Variants in GALNT8 observed in about 807,000 individuals in gnomAD.
GALNT8 encodes the protein probable polypeptide N-acetylgalactosaminyltransferase 8.
In GALNT8, 66 loss-of-function variants were observed where a neutral mutation model predicts 62.7. The observed-to-expected ratio is 1.05, with a 90% CI of 0.86 to 1.29. GALNT8 has a LOEUF of 1.29. GALNT8 is among the 50% of genes most tolerant of loss of function. The pLI, the probability that GALNT8 is intolerant of heterozygous loss-of-function variation, is 0.00. For synonymous variants in GALNT8, 288 were observed against 294.3 expected, an observed-to-expected ratio of 0.98 and a Z score of 0.22; for missense variants, 771 against 791.8, an observed-to-expected ratio of 0.97 and a Z score of 0.32.
At chr12:4,744,482 C>T (rs1946286807) in intron 3 of GALNT8, 35 bp from the exon 4 acceptor site, 1 of 1,468,172 alleles carries the variant, frequency 6.8e-7, no homozygotes, top group Non-Finnish European at 9.3e-7. Flanking sequence ...GATTGTTGCA[C>T]TCAGAATTTC....
chr12:4,755,629 T>C (rs1253664909), intron 6 of GALNT8, among the ~76,000 whole-genome samples: 1 of 152,208 alleles, frequency 6.6e-6, no homozygotes, highest in African/African-American at 2.4e-5. Context: ...TTTGTATCCT[T>C]GTCAGGGGGA....
intron 6 of GALNT8, among the ~76,000 whole-genome samples, chr12:4,758,827 C>T (rs539947209): frequency 1.3e-5 from 2 of 150,772 alleles, no homozygotes; most frequent in Non-Finnish European, 3.0e-5. Context: ...CCCAGGCTGG[C>T]GTGCAGTGGC....
chr12:4,725,473 C>T (rs960732952), intron 1 of GALNT8, among the ~76,000 whole-genome samples: 3 of 152,012 alleles, frequency 2.0e-5, no homozygotes, highest in African/African-American at 7.3e-5. Context: ...TATAGATTCT[C>T]AGGCTCTACC....
chr12:4,768,892 A>G (rs1257649724), intron 10 of GALNT8, among the ~76,000 whole-genome samples: 1 of 152,124 alleles, frequency 6.6e-6, no homozygotes, highest in East Asian at 1.9e-4. Context: ...TACCAAAGAA[A>G]TTTTCCAAAA....
chr12:4,738,212 G>A (rs776850176), intron 2 of GALNT8, among the ~76,000 whole-genome samples: 20 of 152,104 alleles, frequency 1.3e-4, no homozygotes, highest in Non-Finnish European at 2.6e-4. Context: ...TGAGACAAGT[G>A]GATATCTAGA....
chr12:4,737,396 C>T (rs74739226), intron 2 of GALNT8, among the ~76,000 whole-genome samples: 6,179 of 152,252 alleles, frequency 0.041, 243 homozygotes, highest in East Asian at 0.2. Flanking sequence ...AGAGCTTCTA[C>T]ACCTGTGTAC....
At chr12:4,755,348 G>T (rs1354523196) in intron 6 of GALNT8, among the ~76,000 whole-genome samples, 2 of 152,170 alleles carry the variant, frequency 1.3e-5, no homozygotes, top group African/African-American at 4.8e-5. Flanking sequence ...GCTGAGTTTG[G>T]TTCAGTTTTC....
intron 2 of GALNT8, among the ~76,000 whole-genome samples, chr12:4,735,027 G>A (rs1946238386): frequency 1.3e-5 from 2 of 152,330 alleles, no homozygotes; most frequent in South Asian, 4.1e-4. Context: ...CAGAGCAGGG[G>A]CTATCTGCTG....
chr12:4,771,384 G>T (rs1946423559), intron 10 of GALNT8, among the ~76,000 whole-genome samples: 1 of 152,180 alleles, frequency 6.6e-6, no homozygotes, highest in Admixed American at 6.5e-5. Flanking sequence ...AGGAGGAAAG[G>T]GTGGTTGGGG....
chr12:4,731,885 C>T (rs968561247), intron 2 of GALNT8, among the ~76,000 whole-genome samples: 1 of 152,086 alleles, frequency 6.6e-6, no homozygotes, highest in Admixed American at 6.6e-5. Flanking sequence ...CTGCTGTGAA[C>T]AGGACCACCT....
At chr12:4,769,683 G>C (rs1361204799) in intron 10 of GALNT8, among the ~76,000 whole-genome samples, 1 of 151,586 alleles carries the variant, frequency 6.6e-6, no homozygotes, top group Non-Finnish European at 1.5e-5. Context: ...CTTGTTATGA[G>C]TGCTTTTATA....
At position 4,757,508 on chromosome 12, in the gene GALNT8, CT is replaced by C. The variant is rs370535762; in HGVS notation, c.1174-3446del. ...AGCTCTAGGGTGATAGGGGCCAAGA[CT>C]TTTATTTGGTGGTCCTGCCACACTC... On this transcript the variant is annotated intron_variant, in intron 6 of 10. Coordinates refer to ENST00000252318, the MANE Select transcript of GALNT8 (RefSeq NM_017417.2). Among the ~76,000 whole-genome samples the C allele has an allele frequency of 2.3e-3, 349 of 152,244 alleles. 2 individuals carry two copies. Among genetic ancestry groups the C allele is most frequent in the African/African-American group, 7.7e-3 (320 of 41,538 alleles).
intron 3 of GALNT8, 44 bp downstream of exon 3, chr12:4,739,373 T>C (rs1298773396): frequency 2.0e-6 from 3 of 1,520,444 alleles, no homozygotes; most frequent in African/African-American, 1.4e-5. Flanking sequence ...TGACCACTTA[T>C]CATCTGTGCT....
chr12:4,763,336 GA>G lies in GALNT8; in HGVS notation c.1448del (p.Asn483MetfsTer6), dbSNP rs760565958. On this transcript the variant is annotated frameshift_variant, in exon 8 of 11. Coordinates refer to ENST00000252318, the MANE Select transcript of GALNT8 (RefSeq NM_017417.2). LOFTEE classifies it high-confidence loss of function. ...LKCKTFDWYLKNVYPLLKPLH... is the reference protein window; with the variant it reads ...LKCKTFDWYLXNVYPLLKPLH... ...AATGTAAAACTTTTGACTGGTACCT[GA>G]AAAATGTTTATCCACTCTTGAAGCC... 1.2e-6 allele frequency: 2 copies of G among 1,612,740 alleles called. No individual in the cohort carries two copies. The highest frequency in any genetic ancestry group is 4.5e-5 in the East Asian group (2 of 44,880).
intron 3 of GALNT8, among the ~76,000 whole-genome samples, chr12:4,742,218 G>T (rs1237497057): frequency 6.6e-6 from 1 of 152,152 alleles, no homozygotes; most frequent in African/African-American, 2.4e-5. Context: ...GTTATTTGTA[G>T]TACTTTTGAA....
rs772729270 is a variant in GALNT8, at chr12:4,726,571, T to G, written c.251T>G (p.Val84Gly). The change falls in exon 2 of 11, where the codon GTG (valine) becomes GGG (glycine). Residue 84 changes from valine to glycine, a missense_variant. Val to Gly is a moderately radical substitution (Grantham distance 109, BLOSUM62 -3). Transcript: ENST00000252318. This position sits in a 1 kb window ranked among gnomAD's most constrained non-coding sequence, Gnocchi z 4.1. The part of the protein sequence containing the change: ...MKLALRQQEN[V>G]NSTLKRAKDE... ...TTAGCTCTGAGGCAACAAGAAAATG[T>G]GAACAGCACACTGAAGAGGGCGAAA... 1 of 1,613,486 alleles carries G rather than the reference T, an allele frequency of 6.2e-7. No individual in the cohort carries two copies. The highest frequency in any genetic ancestry group is 2.2e-5 in the East Asian group (1 of 44,858).
chr12:4,745,537 A>T lies in GALNT8; in HGVS notation c.969A>T (p.Ala323=), dbSNP rs751768427. ...TCAAACTGGATAAGTATGAACTGGCAGTTGATGGGTTTAACTGGGAACTCT... is the reference window on the plus strand; with the variant it reads ...TCAAACTGGATAAGTATGAACTGGCTGTTGATGGGTTTAACTGGGAACTCT... ...DTFKLDKYEL[A]VDGFNWELWC... is the part of the protein sequence containing the mutation. The change falls in exon 5 of 11, where the codon GCA becomes GCT. Residue 323 remains alanine (A), a synonymous_variant. Coordinates refer to ENST00000252318, the MANE Select transcript of GALNT8 (RefSeq NM_017417.2). The T allele has an allele frequency of 1.3e-5, 21 of 1,613,622 alleles. 1 individual carries two copies. Among genetic ancestry groups the T allele is most frequent in the Middle Eastern group, 3.3e-4 (2 of 6,062 alleles).
chr12:4,734,359 G>T (rs777904477), intron 2 of GALNT8, among the ~76,000 whole-genome samples: 2 of 152,094 alleles, frequency 1.3e-5, no homozygotes, highest in African/African-American at 2.4e-5. Flanking sequence ...AGAAATTCAG[G>T]ATCTCAGACC....
In GALNT8 at chr12:4,739,132, AAT is replaced by A. The variant is rs375459081; in HGVS notation, c.510-29_510-28del. The A allele has an allele frequency of 5.2e-5, 77 of 1,466,682 alleles. No individual in the cohort carries two copies. The Middle Eastern group carries it at 1.1e-3, about 21-fold the overall frequency. The allele number at this position is 1,466,682 out of a possible 1,614,324, so 90.9% of individuals were successfully genotyped here. A position where few individuals can be genotyped will look rare whatever the true frequency, so the allele number is the denominator to read the frequency against. ...AGCAGTGTTGAAGTAATTAAAAAAA[AAT>A]AATATGTTATAAAAATGGTCTCTTA... On this transcript the variant is annotated intron_variant, in intron 2 of 10. Transcript: ENST00000252318.
Sources: allele counts gnomAD v4.1 joint callset (sites outside exome capture counted in the v4.1 genomes callset), GRCh38; gene constraint gnomAD v4.1.1; non-coding constraint Gnocchi (gnomAD v3.1); transcripts MANE v1.5; gene names NCBI Gene and HGNC (gene_info 2026-07-23, HGNC 2026-07-21).